Variants in FLNB observed in about 807,000 individuals in gnomAD.
FLNB encodes the protein filamin B, also known as filamin-B.
Under a neutral mutation model 250.6 loss-of-function variants are expected in FLNB, and 111 were observed. The observed-to-expected ratio is 0.44, with a 90% CI of 0.38 to 0.52. FLNB has a LOEUF of 0.52. Among genes scored for constraint, FLNB ranks in the 20% least tolerant of loss-of-function variants. The pLI is 0.00. For synonymous variants in FLNB, 1,302 were observed against 1,372.1 expected, an observed-to-expected ratio of 0.95 and a Z score of 1.13; for missense variants, 2,869 against 3,447.8, an observed-to-expected ratio of 0.83 and a Z score of 4.20.
At chr3:58,030,601 C>T (rs1016245444) in intron 1 of FLNB, among the ~76,000 whole-genome samples, 18 of 152,100 alleles carry the variant, frequency 1.2e-4, no homozygotes, top group African/African-American at 3.9e-4. Context: ...GGGCCGGGCA[C>T]GGTGGCTCAT....
intron 1 of FLNB, among the ~76,000 whole-genome samples, chr3:58,033,919 G>A (rs185969432): frequency 8.4e-4 from 128 of 152,234 alleles, no homozygotes; most frequent in African/African-American, 3.0e-3. Context: ...GGAGTGCAGT[G>A]GTGTGATCTT....
In FLNB at chr3:58,149,891, G is replaced by A; in HGVS notation, c.6133G>A (p.Val2045Met). ...CTTGGCGGTGGAAGGCCCCAGCAAA[G>A]TGGACATCCAGACGGAGGACCTGGA... ...ISLAVEGPSK[V>M]DIQTEDLEDG... is the part of the protein sequence containing the mutation. The change falls in exon 37 of 46, where the codon GTG (valine) becomes ATG (methionine). Residue 2045 changes from valine to methionine, a missense_variant. Val to Met is a conservative substitution (Grantham distance 21). This residue lies in a region of FLNB where 1,084 missense variants were observed against 1,315.5 expected (regional missense o/e 0.82). Transcript: ENST00000295956. 1 of 1,614,246 alleles carries A rather than the reference G, an allele frequency of 6.2e-7. No homozygotes were observed. Among genetic ancestry groups the A allele is most frequent in the Non-Finnish European group, 8.5e-7 (1 of 1,180,034 alleles).
Position 58,159,558 on chromosome 3 carries a change from C to G in FLNB, c.6893C>G (p.Ser2298Trp), listed in dbSNP as rs762871408. ...TCTGATGTATTAAATTCTCAGGAAT[C>G]GGGATTAAAAGTTAACCAGCCAGCA... Reference protein sequence around the residue: ...RRLTVMSLQESGLKVNQPASF... With the variant: ...RRLTVMSLQEWGLKVNQPASF... Residue 2298 changes from serine to tryptophan, a missense_variant, in exon 42 of 46, where the codon TCG (serine) becomes TGG (tryptophan). By Grantham distance (177) the Ser-to-Trp change is radical (BLOSUM62 -3). This residue lies in a region of FLNB where 1,084 missense variants were observed against 1,315.5 expected (regional missense o/e 0.82). Transcript: ENST00000295956. 2 of 1,613,950 alleles carry G rather than the reference C, an allele frequency of 1.2e-6. No homozygotes were observed. Among genetic ancestry groups the G allele is most frequent in the Admixed American group, 1.7e-5 (1 of 60,002 alleles).
intron 43 of FLNB, among the ~76,000 whole-genome samples, chr3:58,166,299 A>G (rs995169390): frequency 6.6e-6 from 1 of 152,168 alleles, no homozygotes; most frequent in Non-Finnish European, 1.5e-5. Context: ...AAAATATTGC[A>G]TTAGGGCCAA....
rs193247996 is a variant in FLNB, at chr3:58,040,833, A to G, written c.292+31977A>G. ...TAAAATATACTCCCCGCTCCATCCCATTCATGTGTGGGAGTTGAGCTGCAT... is the reference window on the plus strand; with the variant it reads ...TAAAATATACTCCCCGCTCCATCCCGTTCATGTGTGGGAGTTGAGCTGCAT... On this transcript the variant is annotated intron_variant, in intron 1 of 45. Transcript: ENST00000295956. Among the ~76,000 whole-genome samples, 120 of 152,104 alleles carry G rather than the reference A, an allele frequency of 7.9e-4. 1 individual carries two copies. The East Asian group carries it at 0.01, about 13-fold the overall frequency.
At chr3:58,018,264 G>C (rs1351199730) in intron 1 of FLNB, among the ~76,000 whole-genome samples, 1 of 150,974 alleles carries the variant, frequency 6.6e-6, no homozygotes. Context: ...ATCAGGCCTG[G>C]AAAGACATTA....
At chr3:58,071,674 A>G (rs2097194802) in intron 1 of FLNB, among the ~76,000 whole-genome samples, 1 of 152,196 alleles carries the variant, frequency 6.6e-6, no homozygotes, top group East Asian at 1.9e-4. Context: ...TCAGGAGGGC[A>G]AAAATGTGGA....
At chr3:58,036,808 C>T (rs1275422035) in intron 1 of FLNB, among the ~76,000 whole-genome samples, 1 of 152,164 alleles carries the variant, frequency 6.6e-6, no homozygotes, top group African/African-American at 2.4e-5. Context: ...TTAGTTTGGC[C>T]TATGCCCAGG....
At chr3:58,081,316 C>T (rs191770512) in intron 3 of FLNB, among the ~76,000 whole-genome samples, 4 of 152,228 alleles carry the variant, frequency 2.6e-5, no homozygotes, top group Admixed American at 2.6e-4. Context: ...TATAGCTTAT[C>T]CTTTTATCAT....
At chr3:58,128,593 G>A (rs966376797) in intron 24 of FLNB, among the ~76,000 whole-genome samples, 7 of 152,126 alleles carry the variant, frequency 4.6e-5, no homozygotes, top group East Asian at 1.9e-4. Context: ...TAACACTTGC[G>A]TTAGGAGAGA....
chr3:58,141,940 G>A lies in FLNB; in HGVS notation c.5181+11G>A. ...GGATTCAGGCCCTGGGTACAATTTT[G>A]GTTTTTTCCTTTTTGTGTTTCTGTG... On this transcript the variant is annotated intron_variant, in intron 30 of 45. Transcript: ENST00000295956. 1 of 1,612,920 alleles carries A rather than the reference G, an allele frequency of 6.2e-7. No individual in the cohort carries two copies. The highest frequency in any genetic ancestry group is 8.5e-7 in the Non-Finnish European group (1 of 1,178,902).
chr3:58,152,315 T>C (rs1364358691), intron 38 of FLNB, among the ~76,000 whole-genome samples: 3 of 152,220 alleles, frequency 2.0e-5, no homozygotes, highest in Non-Finnish European at 4.4e-5. Context: ...TTTGGGCTGC[T>C]GTAGCAAAAT....
At chr3:58,070,535 G>A (rs1186111410) in intron 1 of FLNB, among the ~76,000 whole-genome samples, 1 of 152,126 alleles carries the variant, frequency 6.6e-6, no homozygotes, top group Non-Finnish European at 1.5e-5. Flanking sequence ...TCTCCGGGTG[G>A]TAGAGATGAG....
chr3:58,102,331 A>G lies in FLNB; in HGVS notation c.1474A>G (p.Lys492Glu). 6.2e-7 allele frequency: 1 copy of G among 1,614,088 alleles called. No individual in the cohort carries two copies. Among genetic ancestry groups the G allele is most frequent in the South Asian group, 1.1e-5 (1 of 91,072 alleles). Residue 492 changes from lysine (K) to glutamate (E), a missense_variant, in exon 9 of 46, where the codon AAG becomes GAG. Lys to Glu is a moderately conservative substitution (Grantham distance 56, BLOSUM62 1). Transcript: ENST00000295956. ...AGSGELGVTM[K>E]GPKGLEELVK... The stretch of plus-strand genomic sequence containing the variant: ...AAGTGGGGAGCTCGGTGTAACCATG[A>G]AGGGTCCTAGTAAGTGTTCCTTTGT...
Position 58,138,436 on chromosome 3 carries a change from T to C in FLNB, c.5016T>C (p.Tyr1672=). The change falls in exon 29 of 46, where the codon TAT becomes TAC. Residue 1672 remains tyrosine, a synonymous_variant. Coordinates refer to ENST00000295956, the MANE Select transcript of FLNB (RefSeq NM_001457.4). The part of the protein sequence containing the change: ...ADVIENEDGT[Y]DIFYTAAKPG... Reference sequence around the variant, plus strand: ...TCATTGAGAATGAAGATGGAACCTATGACATCTTCTACACAGCTGCCAAGC... The same window carrying C: ...TCATTGAGAATGAAGATGGAACCTACGACATCTTCTACACAGCTGCCAAGC... The C allele has an allele frequency of 6.2e-7, 1 of 1,614,250 alleles. No homozygotes were observed. The highest frequency in any genetic ancestry group is 1.7e-5 in the Admixed American group (1 of 60,036).
intron 1 of FLNB, among the ~76,000 whole-genome samples, chr3:58,053,772 G>GT (rs768932538): frequency 2.0e-5 from 3 of 152,060 alleles, no homozygotes; most frequent in Non-Finnish European, 2.9e-5. Context: ...CAAACATGTG[G>GT]TTTTTTTAAA....
chr3:58,166,973 C>T (rs1297237961), intron 43 of FLNB, among the ~76,000 whole-genome samples: 1 of 152,022 alleles, frequency 6.6e-6, no homozygotes, highest in Non-Finnish European at 1.5e-5. Context: ...TAAAGAAATA[C>T]AAAAATTAGC....
chr3:58,111,946 T>A, intron 17 of FLNB, 65 bp downstream of exon 17: 1 of 1,376,564 alleles, frequency 7.3e-7, no homozygotes, highest in Non-Finnish European at 1.0e-6. Context: ...GCGTGTTTCA[T>A]CCACGGCCTT....
At chr3:58,074,622 G>A (rs1376774208) in intron 1 of FLNB, among the ~76,000 whole-genome samples, 1 of 152,206 alleles carries the variant, frequency 6.6e-6, no homozygotes, top group Non-Finnish European at 1.5e-5. Context: ...CGGTGAATTT[G>A]TATCTGTTTC....
Sources: allele counts gnomAD v4.1 joint callset (sites outside exome capture counted in the v4.1 genomes callset), GRCh38; gene constraint gnomAD v4.1.1; regional missense constraint gnomAD v4.1.1; transcripts MANE v1.5; gene names NCBI Gene and HGNC (gene_info 2026-07-23, HGNC 2026-07-21).